MAGI2: variants seen among roughly 807,000 people sequenced by gnomAD.
The protein encoded by MAGI2 is membrane associated guanylate kinase, WW and PDZ domain containing 2.
In MAGI2, 35 loss-of-function variants were observed where a neutral mutation model predicts 133.3. The observed-to-expected ratio is 0.26, with a 90% CI of 0.20 to 0.35. The LOEUF is 0.35. Ranked by LOEUF, MAGI2 falls within the 10% of genes least tolerant of loss-of-function variation. The pLI, the probability that MAGI2 is intolerant of heterozygous loss-of-function variation, is 1.00. For missense variants in MAGI2, 1,636 were observed against 1,863.4 expected, an observed-to-expected ratio of 0.88 and a Z score of 2.25; for synonymous variants, 729 against 710.6, an observed-to-expected ratio of 1.03 and a Z score of -0.41.
intron 9 of MAGI2, among the ~76,000 whole-genome samples, chr7:78,282,525 A>ACTATCTAT (rs74347605): frequency 0.057 from 8,721 of 152,054 alleles, 336 homozygotes; most frequent in East Asian, 0.088. Context: ...AAGAATATTT[A>ACTATCTAT]CTATCTATCT....
chr7:78,527,268 A>C (rs1563125696), intron 3 of MAGI2, among the ~76,000 whole-genome samples: 1 of 152,160 alleles, frequency 6.6e-6, no homozygotes, highest in African/African-American at 2.4e-5. Flanking sequence ...AGGTCATCTG[A>C]AAGCAGTGAG....
chr7:79,411,849 C>T (rs896867267), intron 1 of MAGI2: 3 of 151,466 alleles, frequency 2.0e-5, no homozygotes, highest in African/African-American at 7.3e-5. Context: ...TACCTATTGA[C>T]ATGAAAGGAA....
chr7:78,521,868 G>C (rs1796538551), intron 3 of MAGI2, among the ~76,000 whole-genome samples: 1 of 151,830 alleles, frequency 6.6e-6, no homozygotes. Context: ...TAGAGATATA[G>C]ATCTATCTTT....
At chr7:78,729,371 C>G (rs1821147560) in intron 2 of MAGI2, among the ~76,000 whole-genome samples, 1 of 152,166 alleles carries the variant, frequency 6.6e-6, no homozygotes, top group African/African-American at 2.4e-5. Context: ...AAACAGAAGA[C>G]ATTCATCTAT....
chr7:78,539,838 T>C (rs1798260348), intron 3 of MAGI2, among the ~76,000 whole-genome samples: 1 of 152,182 alleles, frequency 6.6e-6, no homozygotes, highest in Non-Finnish European at 1.5e-5. Context: ...AGTTGTTTTA[T>C]TTACTGTGCT....
chr7:79,053,083 C>T (rs1475651514), intron 1 of MAGI2, among the ~76,000 whole-genome samples: 2 of 152,124 alleles, frequency 1.3e-5, no homozygotes, highest in Non-Finnish European at 2.9e-5. Flanking sequence ...CGCCATTCTC[C>T]TGCCTCAGCC....
intron 1 of MAGI2, among the ~76,000 whole-genome samples, chr7:79,387,982 T>C (rs1844311624): frequency 6.6e-6 from 1 of 151,976 alleles, no homozygotes; most frequent in Non-Finnish European, 1.5e-5. Flanking sequence ...AATCATTTTG[T>C]AGATAGTAAA....
At chr7:79,135,995 GAA>G (rs1400952050) in intron 1 of MAGI2, among the ~76,000 whole-genome samples, 106 of 37,362 alleles carry the variant, frequency 2.8e-3, no homozygotes, top group South Asian at 0.019. Flanking sequence ...AAGAAAGAAA[GAA>G]AGAAAGAGAA....
chr7:78,513,815 G>A (rs187754194), intron 4 of MAGI2, among the ~76,000 whole-genome samples: 274 of 152,236 alleles, frequency 1.8e-3, no homozygotes, highest in Non-Finnish European at 3.0e-3. Context: ...AGGGCCGGGT[G>A]CGGTGGCTCA....
Position 78,521,658 on chromosome 7 carries a change from C to T in MAGI2, c.539-13G>A. On this transcript the variant is annotated splice_polypyrimidine_tract_variant and intron_variant, in intron 3 of 21. Coordinates refer to ENST00000354212, the MANE Select transcript of MAGI2 (RefSeq NM_012301.4). Reference sequence around the variant, plus strand: ...CCGTAGTAATTGTCTGCAAACAATACCAAAACATTCTTGGAGTTAAATATT... The same window carrying T: ...CCGTAGTAATTGTCTGCAAACAATATCAAAACATTCTTGGAGTTAAATATT... 1.2e-6 allele frequency: 2 copies of T among 1,605,840 alleles called. No homozygotes were observed. The highest frequency in any genetic ancestry group is 1.1e-5 in the South Asian group (1 of 90,894).
intron 3 of MAGI2, among the ~76,000 whole-genome samples, chr7:78,579,567 G>A (rs1036624869): frequency 2.0e-5 from 3 of 152,160 alleles, no homozygotes; most frequent in African/African-American, 7.2e-5. Context: ...AGGAATCTGC[G>A]TTAACAAGCT....
intron 6 of MAGI2, among the ~76,000 whole-genome samples, chr7:78,427,094 A>C (rs1370132225): frequency 6.6e-6 from 1 of 152,148 alleles, no homozygotes; most frequent in Non-Finnish European, 1.5e-5. Context: ...TAGAGTAACC[A>C]CTAAAAACAA....
intron 6 of MAGI2, among the ~76,000 whole-genome samples, chr7:78,383,814 CACG>C (rs1449181447): frequency 2.0e-5 from 3 of 151,972 alleles, no homozygotes; most frequent in Non-Finnish European, 1.5e-5. Flanking sequence ...TTCTTCTGCA[CACG>C]ACAATTTTCC....
chr7:78,318,228 A>G (rs1188424832), intron 9 of MAGI2, among the ~76,000 whole-genome samples: 2 of 152,234 alleles, frequency 1.3e-5, no homozygotes, highest in African/African-American at 2.4e-5. Flanking sequence ...AACCTTGAAA[A>G]AAGGTTAGAC....
chr7:78,167,954 T>A lies in MAGI2; in HGVS notation c.2558A>T (p.Gln853Leu). The A allele has an allele frequency of 6.2e-7, 1 of 1,614,180 alleles. No individual in the cohort carries two copies. Among genetic ancestry groups the A allele is most frequent in the Non-Finnish European group, 8.5e-7 (1 of 1,180,032 alleles). The change falls in exon 15 of 22, where the codon CAG (glutamine) becomes CTG (leucine). Residue 853 changes from glutamine to leucine, a missense_variant. Coordinates refer to ENST00000354212, the MANE Select transcript of MAGI2 (RefSeq NM_012301.4). ...CTTTCTTCTCACAGTGAGGTTGACCTGCCCATTGCGGGCTGCGTGGTGCAT... is the reference window on the plus strand; with the variant it reads ...CTTTCTTCTCACAGTGAGGTTGACCAGCCCATTGCGGGCTGCGTGGTGCAT... ...DLMHHAARNG[Q>L]VNLTVRRKVL...
intron 6 of MAGI2, among the ~76,000 whole-genome samples, chr7:78,458,213 T>C (rs1436675385): frequency 6.7e-6 from 1 of 149,884 alleles, no homozygotes; most frequent in African/African-American, 2.4e-5. Context: ...GGAGAATCAC[T>C]TGAACTAGGC....
At chr7:79,347,627 G>A (rs1459216248) in intron 1 of MAGI2, among the ~76,000 whole-genome samples, 1 of 151,772 alleles carries the variant, frequency 6.6e-6, no homozygotes, top group Non-Finnish European at 1.5e-5. Flanking sequence ...CACTTCCAAT[G>A]TACCAGACTT....
At position 78,779,745 on chromosome 7, in the gene MAGI2, G is replaced by A. The variant is rs1355127239; in HGVS notation, c.419-152506C>T. Among the ~76,000 whole-genome samples the A allele has an allele frequency of 5.3e-5, 8 of 152,316 alleles. No homozygotes were observed. In the East Asian group the frequency reaches 1.5e-3, roughly 29 times the overall value. On this transcript the variant is annotated intron_variant, in intron 2 of 21. Coordinates refer to ENST00000354212, the MANE Select transcript of MAGI2 (RefSeq NM_012301.4). ...GAGCTTTCAACATCAAACCGTATTA[G>A]TCCATGATACTGGGAAGTGAGCTCC...
intron 2 of MAGI2, among the ~76,000 whole-genome samples, chr7:78,649,871 G>A (rs1363089245): frequency 6.6e-6 from 1 of 152,062 alleles, no homozygotes; most frequent in Admixed American, 6.6e-5. Flanking sequence ...TGAAAGTGCT[G>A]AGGATTAAAT....
Sources: gnomAD v4.1 joint callset for allele counts (sites outside exome capture counted in the v4.1 genomes callset) on GRCh38, gnomAD v4.1.1 for gene constraint, MANE v1.5 for transcripts, NCBI Gene and HGNC (gene_info 2026-07-23, HGNC 2026-07-21) for gene names.